GRID1: variants seen among roughly 807,000 people sequenced by gnomAD.
The protein encoded by GRID1 is glutamate receptor ionotropic, delta-1.
A neutral mutation model predicts 98.0 loss-of-function variants in GRID1; 28 were observed. The observed-to-expected ratio is 0.29, with a 90% confidence interval of 0.21 to 0.39. The LOEUF (loss-of-function observed/expected upper bound fraction) is 0.39, where lower values mean the gene tolerates loss of function less well. Ranked by LOEUF, GRID1 falls within the 10% of genes least tolerant of loss-of-function variation. The pLI is 1.00. For synonymous variants in GRID1, 553 were observed against 538.5 expected (o/e 1.03, Z -0.37); for missense variants, 1,111 against 1,340.5 (o/e 0.83, Z 2.67).
intron 8 of GRID1, among the ~76,000 whole-genome samples, chr10:85,841,199 C>T (rs967836292): frequency 2.0e-5 from 3 of 152,002 alleles, no homozygotes; most frequent in Non-Finnish European, 4.4e-5. Flanking sequence ...CATACAACTA[C>T]CTGATCTTCA....
chr10:85,901,385 T>C (rs1841385154), intron 5 of GRID1, among the ~76,000 whole-genome samples: 1 of 152,152 alleles, frequency 6.6e-6, no homozygotes, highest in South Asian at 2.1e-4. Flanking sequence ...TAGCTGGGAC[T>C]ACAGGTGCCC....
At chr10:86,015,225 G>A in intron 4 of GRID1, among the ~76,000 whole-genome samples, 1 of 152,194 alleles carries the variant, frequency 6.6e-6, no homozygotes, top group East Asian at 1.9e-4. Context: ...CATAGCAGGT[G>A]CTCAAAAATA....
chr10:86,276,398 C>G (rs1742167668), intron 2 of GRID1, among the ~76,000 whole-genome samples: 1 of 152,148 alleles, frequency 6.6e-6, no homozygotes, highest in African/African-American at 2.4e-5. Flanking sequence ...AGCAATGACT[C>G]TATCTCCAAA....
intron 12 of GRID1, among the ~76,000 whole-genome samples, chr10:85,662,500 C>T (rs1840976811): frequency 1.3e-5 from 2 of 152,160 alleles, no homozygotes; most frequent in Non-Finnish European, 2.9e-5. Flanking sequence ...CCGAACCCTG[C>T]CTCCCTCCGC....
intron 2 of GRID1, among the ~76,000 whole-genome samples, chr10:86,362,369 G>A (rs556383225): frequency 2.6e-5 from 4 of 152,288 alleles, no homozygotes; most frequent in African/African-American, 9.6e-5. Context: ...CAGAGGCAGG[G>A]GGTGTCTGGA....
chr10:86,012,716 G>A (rs892989894), intron 4 of GRID1, among the ~76,000 whole-genome samples: 2 of 151,278 alleles, frequency 1.3e-5, no homozygotes, highest in Non-Finnish European at 3.0e-5. Flanking sequence ...AGAGGCTCCT[G>A]AGAGCTTTTT....
At chr10:86,003,326 T>C (rs1842822328) in intron 4 of GRID1, among the ~76,000 whole-genome samples, 2 of 152,214 alleles carry the variant, frequency 1.3e-5, no homozygotes, top group Admixed American at 1.3e-4. Flanking sequence ...ATCAGCTGGA[T>C]GGGAGAGCCC....
In GRID1 at chr10:85,716,311, C is replaced by CA. The variant is rs918388088; in HGVS notation, c.1997+6691dup. Among the ~76,000 whole-genome samples, 59 of 151,352 alleles carry CA rather than the reference C, an allele frequency of 3.9e-4. No homozygotes were observed. The East Asian group carries it at 7.8e-3, about 20-fold the overall frequency. The stretch of plus-strand genomic sequence containing the variant: ...CATTCTGAGCAAACTATCGCAAGGA[C>CA]AAAAAAAACAAACACCGCATGTTCT... On this transcript the variant is annotated intron_variant, in intron 12 of 15. Coordinates refer to ENST00000327946, the MANE Select transcript of GRID1 (RefSeq NM_017551.3).
chr10:85,627,464 C>G (rs1326004764), intron 13 of GRID1, among the ~76,000 whole-genome samples: 2 of 152,186 alleles, frequency 1.3e-5, no homozygotes, highest in East Asian at 3.8e-4. Context: ...GTGACCGCCT[C>G]TTAAATTATT....
At chr10:85,764,398 G>A (rs2132701972) in intron 8 of GRID1, among the ~76,000 whole-genome samples, 1 of 152,322 alleles carries the variant, frequency 6.6e-6, no homozygotes, top group East Asian at 1.9e-4. Context: ...CTTTTTGGTA[G>A]CATTCACAAG....
chr10:85,770,849 T>C lies in GRID1; in HGVS notation c.1234-41235A>G, dbSNP rs533115745. On this transcript the variant is annotated intron_variant, in intron 8 of 15. Transcript: ENST00000327946. Reference sequence around the variant, plus strand: ...GTGAAAAGACCAAATCTACGTCTGATTGGTGTACCTGAAAGTGACGGGGAG... The same window carrying C: ...GTGAAAAGACCAAATCTACGTCTGACTGGTGTACCTGAAAGTGACGGGGAG... 2.9e-3 allele frequency among the ~76,000 whole-genome samples: 436 copies of C among 152,284 alleles called. 1 individual carries two copies. Among genetic ancestry groups the C allele is most frequent in the African/African-American group, 9.9e-3 (410 of 41,560 alleles).
chr10:85,724,415 G>A lies in GRID1; in HGVS notation c.1795C>T (p.Pro599Ser). The A allele has an allele frequency of 1.9e-6, 3 of 1,614,136 alleles. No homozygotes were observed. The highest frequency in any genetic ancestry group is 2.5e-6 in the Non-Finnish European group (3 of 1,180,020). ...CTGTGCAGAGTGGCAGAAGCTGACG[G>A]CCTGGGCTGGGCAGCACTCTGAGCC... ...VRAQSAAQPR[P>S]SASATLHSAI... The change falls in exon 11 of 16, where the codon CCG (proline) becomes TCG (serine). Residue 599 changes from proline to serine, a missense_variant. Coordinates refer to ENST00000327946, the MANE Select transcript of GRID1 (RefSeq NM_017551.3).
chr10:86,078,440 C>T (rs938295484), intron 4 of GRID1, among the ~76,000 whole-genome samples: 2 of 152,216 alleles, frequency 1.3e-5, no homozygotes, highest in Non-Finnish European at 2.9e-5. Flanking sequence ...GTGGGTGGAA[C>T]GGGTGCTCCG....
intron 8 of GRID1, among the ~76,000 whole-genome samples, chr10:85,768,547 G>C (rs924457849): frequency 6.6e-6 from 1 of 152,168 alleles, no homozygotes; most frequent in African/African-American, 2.4e-5. Flanking sequence ...GAAAGGCACA[G>C]ATCAACAATT....
At chr10:85,904,465 T>C (rs910119630) in intron 5 of GRID1, among the ~76,000 whole-genome samples, 13 of 152,128 alleles carry the variant, frequency 8.5e-5, no homozygotes, top group African/African-American at 3.1e-4. Flanking sequence ...AGTTAGAGTT[T>C]GCAGGAAAGA....
At chr10:85,811,381 T>C (rs959302800) in intron 8 of GRID1, among the ~76,000 whole-genome samples, 1 of 152,050 alleles carries the variant, frequency 6.6e-6, no homozygotes, top group African/African-American at 2.4e-5. Context: ...TTTGCAGTAA[T>C]AGACCCCAAA....
chr10:85,954,841 C>G (rs1812856848), intron 4 of GRID1, among the ~76,000 whole-genome samples: 1 of 152,168 alleles, frequency 6.6e-6, no homozygotes, highest in Admixed American at 6.5e-5. Context: ...GTCACTTAAT[C>G]CCTCCGAGCC....
At chr10:86,022,578 G>A (rs991989174) in intron 4 of GRID1, among the ~76,000 whole-genome samples, 2 of 152,044 alleles carry the variant, frequency 1.3e-5, no homozygotes, top group African/African-American at 4.8e-5. Context: ...CTCTGTGAGA[G>A]GCTAGCTCAA....
At chr10:85,639,183 G>T (rs1257863376) in intron 13 of GRID1, among the ~76,000 whole-genome samples, 1 of 152,068 alleles carries the variant, frequency 6.6e-6, no homozygotes, top group Non-Finnish European at 1.5e-5. Context: ...ATGTTAATTG[G>T]AGAATAAATA....
Sources: allele counts gnomAD v4.1 joint callset (sites outside exome capture counted in the v4.1 genomes callset), GRCh38; gene constraint gnomAD v4.1.1; transcripts MANE v1.5; gene names NCBI Gene and HGNC (gene_info 2026-07-23, HGNC 2026-07-21).